Variants in E2F3 observed in about 807,000 individuals in gnomAD.
The protein encoded by E2F3 is E2F transcription factor 3, also known as transcription factor E2F3.
Under a neutral mutation model 44.4 loss-of-function variants are expected in E2F3, and 11 were observed. That is an observed-to-expected ratio of 0.25 (90% CI 0.16 to 0.41). The LOEUF is 0.41. Among genes scored for constraint, E2F3 ranks in the 10% least tolerant of loss-of-function variants. The pLI is 1.00. For synonymous variants in E2F3, 249 were observed against 253.0 expected (o/e 0.98, Z 0.15); for missense variants, 487 against 583.6 (o/e 0.83, Z 1.70).
chr6:20,473,499 A>G (rs1761955206), intron 1 of E2F3, among the ~76,000 whole-genome samples: 1 of 152,198 alleles, frequency 6.6e-6, no homozygotes, highest in African/African-American at 2.4e-5. Flanking sequence ...AAGCACTCAA[A>G]TATTTGTTGT....
At chr6:20,441,982 C>T (rs1455907030) in intron 1 of E2F3, among the ~76,000 whole-genome samples, 2 of 151,130 alleles carry the variant, frequency 1.3e-5, no homozygotes, top group Non-Finnish European at 2.9e-5. Flanking sequence ...TTGACCCATC[C>T]GCATGTCACC....
At chr6:20,426,204 G>T (rs1760209672) in intron 1 of E2F3, among the ~76,000 whole-genome samples, 1 of 152,186 alleles carries the variant, frequency 6.6e-6, no homozygotes, top group African/African-American at 2.4e-5. Context: ...TGGTGGTGGG[G>T]ATCAAGTTTG....
chr6:20,474,316 G>A (rs181396411), intron 1 of E2F3, among the ~76,000 whole-genome samples: 50 of 152,258 alleles, frequency 3.3e-4, no homozygotes, highest in Admixed American at 2.0e-4. Flanking sequence ...GCATGTTAAC[G>A]TCCATGGGGC....
intron 1 of E2F3, among the ~76,000 whole-genome samples, chr6:20,478,212 T>G (rs969164809): frequency 2.6e-5 from 4 of 151,574 alleles, no homozygotes; most frequent in African/African-American, 9.7e-5. Flanking sequence ...AAAAATAAAA[T>G]CAGTGGAAAC....
chr6:20,466,117 C>T (rs1204462919), intron 1 of E2F3, among the ~76,000 whole-genome samples: 3 of 53,638 alleles, frequency 5.6e-5, no homozygotes, highest in Non-Finnish European at 1.1e-4. Flanking sequence ...TTTTGGGGTG[C>T]GGGGCGGGGG....
chr6:20,462,575 A>G (rs1377974955), intron 1 of E2F3, among the ~76,000 whole-genome samples: 4 of 151,098 alleles, frequency 2.6e-5, no homozygotes, highest in African/African-American at 7.3e-5. Context: ...CTCCCACCTC[A>G]GCCTCCTAAG....
At chr6:20,411,920 A>C (rs1451909263) in intron 1 of E2F3, among the ~76,000 whole-genome samples, 1 of 152,132 alleles carries the variant, frequency 6.6e-6, no homozygotes, top group East Asian at 1.9e-4. Flanking sequence ...CTTTTTCATC[A>C]TGTGGTCCCT....
rs1437647870 is a variant in E2F3 at position 20,493,466 on chromosome 6, G to T, written c.*3036G>T. ...GGGTACGTGATTTTGTAAAAAGGAA[G>T]TATTTCTCCCAAAATTGGGAGTAGG... On this transcript the variant is annotated 3_prime_UTR_variant, in exon 7 of 7. Coordinates refer to ENST00000346618, the MANE Select transcript of E2F3 (RefSeq NM_001949.5). The T allele has an allele frequency of 9.0e-6, 2 of 222,030 alleles. No homozygotes were observed. Among genetic ancestry groups the T allele is most frequent in the Non-Finnish European group, 9.0e-6 (1 of 111,298 alleles). 13.8% of individuals were successfully genotyped at this position (222,030 alleles called of 1,614,324 possible). A position where few individuals can be genotyped will look rare whatever the true frequency, so the allele number is the denominator to read the frequency against.
At position 20,491,536 on chromosome 6, in the gene E2F3, A is replaced by G; in HGVS notation, c.*1106A>G. The G allele has an allele frequency of 4.7e-6, 1 of 214,712 alleles. No homozygotes were observed. The highest frequency in any genetic ancestry group is 9.4e-6 in the Non-Finnish European group (1 of 105,928). 13.3% of individuals were successfully genotyped at this position (214,712 alleles called of 1,614,324 possible). A position where few individuals can be genotyped will look rare whatever the true frequency, so the allele number is the denominator to read the frequency against. On this transcript the variant is annotated 3_prime_UTR_variant, in exon 7 of 7. Transcript: ENST00000346618. The stretch of plus-strand genomic sequence containing the variant: ...CAGGTCAGATGATGTAACAGCCCCA[A>G]GGAGCAGCAGGCATGGGTCCCTCCA...
At chr6:20,429,545 G>T (rs1289245732) in intron 1 of E2F3, among the ~76,000 whole-genome samples, 1 of 152,192 alleles carries the variant, frequency 6.6e-6, no homozygotes, top group Non-Finnish European at 1.5e-5. Context: ...GTCTTGGAAT[G>T]TATCCTCGGA....
Position 20,451,420 on chromosome 6 carries a change from C to T in E2F3, c.394-28426C>T, listed in dbSNP as rs893502074. Among the ~76,000 whole-genome samples, 26 of 152,164 alleles carry T rather than the reference C, an allele frequency of 1.7e-4. 1 individual carries two copies. Among genetic ancestry groups the T allele is most frequent in the Non-Finnish European group, 3.5e-4 (24 of 68,022 alleles). ...TGTATGTTGCTTTTGTATCCTGAGA[C>T]TTCGCTGAATTTATGTATCAGCTTA... On this transcript the variant is annotated intron_variant, in intron 1 of 6. Transcript: ENST00000346618.
At chr6:20,476,064 G>C (rs1004121524) in intron 1 of E2F3, among the ~76,000 whole-genome samples, 1 of 152,038 alleles carries the variant, frequency 6.6e-6, no homozygotes, top group Non-Finnish European at 1.5e-5. Flanking sequence ...CACAATTCTA[G>C]GTTCCCGACT....
chr6:20,436,385 G>A (rs1407905649), intron 1 of E2F3, among the ~76,000 whole-genome samples: 1 of 151,958 alleles, frequency 6.6e-6, no homozygotes, highest in Non-Finnish European at 1.5e-5. Flanking sequence ...CCTGGGCCAC[G>A]TTGGAAGAAG....
intron 1 of E2F3, among the ~76,000 whole-genome samples, chr6:20,413,683 A>G (rs1759748347): frequency 6.6e-6 from 1 of 152,174 alleles, no homozygotes; most frequent in South Asian, 2.1e-4. Context: ...TTCTGCCTTA[A>G]CAGTAGGAAG....
intron 1 of E2F3, among the ~76,000 whole-genome samples, chr6:20,432,535 C>T (rs1344275184): frequency 6.6e-6 from 1 of 152,224 alleles, no homozygotes; most frequent in Non-Finnish European, 1.5e-5. Flanking sequence ...AAGCGTACTT[C>T]TTCAGTGGGC....
At chr6:20,403,777 G>GC in intron 1 of E2F3, 3 of 1,498,398 alleles carry the variant, frequency 2.0e-6, no homozygotes, top group Non-Finnish European at 2.7e-6. Context: ...TCTCCAGCCG[G>GC]CCCCCCACCT....
At chr6:20,482,597 A>ATAT (rs1554141447) in intron 3 of E2F3, among the ~76,000 whole-genome samples, 165 bp from the exon 4 acceptor site, 2 of 119,038 alleles carry the variant, frequency 1.7e-5, no homozygotes, top group East Asian at 4.5e-4. Context: ...TATGAAAAAA[A>ATAT]AAATATATAT....
intron 1 of E2F3, among the ~76,000 whole-genome samples, chr6:20,460,996 C>CAAAAA (rs61306918): frequency 1.3e-4 from 7 of 55,498 alleles, no homozygotes; most frequent in African/African-American, 5.3e-4. Flanking sequence ...ACTCTATCTC[C>CAAAAA]AAAAAAAAAA....
At chr6:20,475,900 C>T (rs530729216) in intron 1 of E2F3, among the ~76,000 whole-genome samples, 1 of 152,320 alleles carries the variant, frequency 6.6e-6, no homozygotes, top group African/African-American at 2.4e-5. Flanking sequence ...GGCGGGCCAG[C>T]CTCAGATGAA....
Sources: gnomAD v4.1 joint callset for allele counts (sites outside exome capture counted in the v4.1 genomes callset) on GRCh38, gnomAD v4.1.1 for gene constraint, MANE v1.5 for transcripts, NCBI Gene and HGNC (gene_info 2026-07-23, HGNC 2026-07-21) for gene names.